The following ANOS1 variants were observed in gnomAD, a reference collection of about 807,000 sequenced individuals.
The protein encoded by ANOS1 is anosmin 1.
ANOS1 carries 6 observed loss-of-function variants against 59.0 expected under a neutral mutation model. The ratio of observed to expected loss-of-function variants is 0.10; its 90% CI spans 0.06 to 0.20. The LOEUF is 0.20. Ranked by LOEUF, ANOS1 falls within the 10% of genes least tolerant of loss-of-function variation. ANOS1 has a pLI of 1.00. For missense variants in ANOS1, 433 were observed against 542.3 expected, an observed-to-expected ratio of 0.80 and a Z score of 2.00; for synonymous variants, 217 against 223.4, an observed-to-expected ratio of 0.97 and a Z score of 0.25.
chrX:8,675,477 C>A (rs984332201), intron 2 of ANOS1, among the ~76,000 whole-genome samples: 3 of 110,885 alleles, frequency 2.7e-5, no homozygotes, highest in Non-Finnish European at 5.7e-5. Flanking sequence ...CATAATAAAG[C>A]CTCAGGAAAT....
At chrX:8,602,958 T>C (rs12840305) in intron 3 of ANOS1, among the ~76,000 whole-genome samples, 41,571 of 109,974 alleles carry the variant, frequency 0.38, 5,735 homozygotes, top group South Asian at 0.43. Flanking sequence ...AGGATGGTCT[T>C]GATCTCCTGA....
intron 2 of ANOS1, among the ~76,000 whole-genome samples, chrX:8,647,914 G>A (rs1931786993): frequency 9.0e-6 from 1 of 111,231 alleles, no homozygotes; most frequent in Non-Finnish European, 1.9e-5. Context: ...ATCTCATTAG[G>A]GACAAATAAT....
chrX:8,534,508 A>G, intron 12 of ANOS1, 48 bp from the exon 13 acceptor site: 1 of 1,158,856 alleles, frequency 8.6e-7, no homozygotes, highest in Non-Finnish European at 1.2e-6. Flanking sequence ...CCTTTCAGAG[A>G]CAACATGCAA....
At chrX:8,571,831 A>G (rs1468749306) in intron 6 of ANOS1, among the ~76,000 whole-genome samples, 1 of 112,322 alleles carries the variant, frequency 8.9e-6, no homozygotes, top group Non-Finnish European at 1.9e-5. Context: ...GATGCTGTCA[A>G]TAATTCTAAT....
chrX:8,623,945 C>T (rs1931342396), intron 2 of ANOS1, among the ~76,000 whole-genome samples: 1 of 110,255 alleles, frequency 9.1e-6, no homozygotes, highest in Non-Finnish European at 1.9e-5. Flanking sequence ...ATGATCGTCA[C>T]CATCAGCTGG....
rs1170782086 is a variant in ANOS1, at chrX:8,594,876, TTC to T, written c.541+2156_541+2157del. On this transcript the variant is annotated intron_variant, in intron 4 of 13. Coordinates refer to ENST00000262648, the MANE Select transcript of ANOS1 (RefSeq NM_000216.4). The stretch of plus-strand genomic sequence containing the variant: ...TCTATTTGTAGTTGATTCCCATTGA[TTC>T]TCTCTCTCTCCACAAAAATCTAAGT... Among the ~76,000 whole-genome samples, 4 of 104,056 alleles carry T rather than the reference TTC, an allele frequency of 3.8e-5. No homozygotes were observed. The South Asian group carries it at 1.8e-3, about 46-fold the overall frequency. The allele number at this position is 104,056 out of a possible 115,157, so 90.4% of individuals were successfully genotyped here.
chrX:8,689,045 G>A (rs1405124613), intron 2 of ANOS1, among the ~76,000 whole-genome samples: 1 of 111,615 alleles, frequency 9.0e-6, no homozygotes, highest in Non-Finnish European at 1.9e-5. Context: ...GTGACAGATG[G>A]AAGTTTGCAG....
chrX:8,631,793 C>A (rs1339543248), intron 2 of ANOS1, among the ~76,000 whole-genome samples: 1 of 111,673 alleles, frequency 9.0e-6, no homozygotes, highest in Non-Finnish European at 1.9e-5. Flanking sequence ...ATCATTGAAC[C>A]CAACCCTATA....
Position 8,612,746 on chromosome X carries a change from T to C in ANOS1, c.318+10862A>G, listed in dbSNP as rs193023173. 3.2e-3 allele frequency among the ~76,000 whole-genome samples: 353 copies of C among 110,994 alleles called. 1 individual carries two copies. The highest frequency in any genetic ancestry group is 0.011 in the African/African-American group (328 of 30,558). The stretch of plus-strand genomic sequence containing the variant: ...ATATGACCTATGCTATTTTTATCAA[T>C]GTGATAACTTGGATGAAATAGTTCA... On this transcript the variant is annotated intron_variant, in intron 3 of 13. Coordinates refer to ENST00000262648, the MANE Select transcript of ANOS1 (RefSeq NM_000216.4).
intron 2 of ANOS1, among the ~76,000 whole-genome samples, chrX:8,671,367 A>G (rs73199058): frequency 0.065 from 7,192 of 110,801 alleles, 268 homozygotes; most frequent in African/African-American, 0.14. Flanking sequence ...TATCTTTCTT[A>G]GCATAGTACC....
intron 10 of ANOS1, among the ~76,000 whole-genome samples, chrX:8,538,732 A>C (rs1279237794): frequency 8.9e-6 from 1 of 112,455 alleles, no homozygotes; most frequent in Non-Finnish European, 1.9e-5. Flanking sequence ...TAATTTAAGG[A>C]TAAATACAAG....
intron 12 of ANOS1, 61 bp from the exon 13 acceptor site, chrX:8,534,521 C>G: frequency 8.9e-7 from 1 of 1,121,041 alleles, no homozygotes. Context: ...ACATGCAATG[C>G]ACAGAGAGCC....
rs114445043 is a variant in ANOS1, at chrX:8,730,684, C to A, written c.207+1146G>T. 8.9e-3 allele frequency among the ~76,000 whole-genome samples: 992 copies of A among 110,882 alleles called. 10 individuals are homozygous for A. Among genetic ancestry groups the A allele is most frequent in the Middle Eastern group, 0.046 (10 of 216 alleles). The stretch of plus-strand genomic sequence containing the variant: ...CGCCCAGCCAGGGGAACCCCTCCCC[C>A]CAGCCCCCATTTCTCCTTTTGGTCC... On this transcript the variant is annotated intron_variant, in intron 1 of 13. Transcript: ENST00000262648.
chrX:8,619,565 C>T, intron 3 of ANOS1, among the ~76,000 whole-genome samples: 1 of 111,541 alleles, frequency 9.0e-6, no homozygotes, highest in East Asian at 2.8e-4. Flanking sequence ...GATTGCGCCA[C>T]TGCACTCCAG....
At chrX:8,569,467 C>G (rs1219628396) in intron 7 of ANOS1, among the ~76,000 whole-genome samples, 1 of 111,522 alleles carries the variant, frequency 9.0e-6, no homozygotes, top group African/African-American at 3.3e-5. Flanking sequence ...ATGGTGAAAC[C>G]CTGTCTCTAC....
chrX:8,547,726 G>A (rs183132700), intron 9 of ANOS1, among the ~76,000 whole-genome samples: 65 of 111,528 alleles, frequency 5.8e-4, no homozygotes, highest in Non-Finnish European at 1.0e-3. Context: ...TAATTCAAAG[G>A]TGTTTTTTTT....
chrX:8,708,577 C>T (rs781672851), intron 1 of ANOS1, among the ~76,000 whole-genome samples: 1 of 111,834 alleles, frequency 8.9e-6, no homozygotes, highest in Admixed American at 9.5e-5. Flanking sequence ...CATCTCACAC[C>T]AGTTAGAATG....
chrX:8,587,734 G>C (rs1053945433), intron 5 of ANOS1, 60 bp downstream of exon 5: 1 of 948,750 alleles, frequency 1.1e-6, no homozygotes. Flanking sequence ...TTTTTTGTGC[G>C]TAGCTATGTA....
chrX:8,623,760 C>T, intron 2 of ANOS1, 90 bp from the exon 3 acceptor site: 2 of 697,847 alleles, frequency 2.9e-6, no homozygotes, highest in South Asian at 2.3e-5. Flanking sequence ...GTTGCTTTTT[C>T]AATGCCTGTT....
Sources: allele counts gnomAD v4.1 joint callset (sites outside exome capture counted in the v4.1 genomes callset), GRCh38; gene constraint gnomAD v4.1.1; transcripts MANE v1.5; gene names NCBI Gene and HGNC (gene_info 2026-07-23, HGNC 2026-07-21).